Variants in ZDHHC11 observed in about 807,000 individuals in gnomAD.
The protein encoded by ZDHHC11 is palmitoyltransferase ZDHHC11.
In ZDHHC11, 44 loss-of-function variants were observed where a neutral mutation model predicts 51.3. That is an observed-to-expected ratio of 0.86 (90% CI 0.67 to 1.10). The LOEUF (loss-of-function observed/expected upper bound fraction) is 1.10, where lower values mean the gene tolerates loss of function less well. ZDHHC11 is among the 50% of genes least tolerant of loss of function. The pLI is 0.00. For synonymous variants in ZDHHC11, 163 were observed against 222.0 expected, an observed-to-expected ratio of 0.73 and a Z score of 2.36; for missense variants, 400 against 537.7, an observed-to-expected ratio of 0.74 and a Z score of 2.53.
At chr5:814,947 C>A in intron 10 of ZDHHC11, 152 bp from the exon 11 acceptor site, 2 of 791,378 alleles carry the variant, frequency 2.5e-6, no homozygotes, top group Non-Finnish European at 3.7e-6. Context: ...AGTGGTGACA[C>A]AGCACCCTTC....
chr5:857,690 CATCCCTGTCTTTATGA>C (rs1748448985), intron 1 of ZDHHC11, among the ~76,000 whole-genome samples: 1 of 151,308 alleles, frequency 6.6e-6, no homozygotes, highest in Non-Finnish European at 1.5e-5. Context: ...GTCCAGGTCC[CATCCCTGTCTTTATGA>C]CACCATGGTC....
At chr5:799,285 T>G (rs1738070076) in intron 12 of ZDHHC11, among the ~76,000 whole-genome samples, 2 of 151,698 alleles carry the variant, frequency 1.3e-5, no homozygotes, top group East Asian at 3.9e-4. Flanking sequence ...TCTCTCCATG[T>G]GATCTCTGCA....
chr5:853,305 C>T (rs936762575), upstream of ZDHHC11, among the ~76,000 whole-genome samples: 18 of 119,154 alleles, frequency 1.5e-4, no homozygotes, highest in Non-Finnish European at 2.7e-4. Context: ...TAGACCCCAC[C>T]GAGGACAGCG....
In ZDHHC11 at chr5:806,810, A is replaced by T. The variant is rs1405994801; in HGVS notation, c.1182-5646T>A. 5.3e-5 allele frequency among the ~76,000 whole-genome samples: 8 copies of T among 151,426 alleles called. 1 individual carries two copies. The highest frequency in any genetic ancestry group is 1.2e-4 in the Non-Finnish European group (8 of 67,710). ...AATGAGGGAAATACTGAAGAAGGCC[A>T]CAATAAGCCACCAGTTCACACTACT... On this transcript the variant is annotated intron_variant, in intron 11 of 12. Coordinates refer to ENST00000283441, the MANE Select transcript of ZDHHC11 (RefSeq NM_024786.3).
At chr5:841,411 G>T (rs1409180814) in intron 4 of ZDHHC11, 1 of 926,852 alleles carries the variant, frequency 1.1e-6, no homozygotes, top group East Asian at 1.5e-4. Flanking sequence ...ACTAAGTGCC[G>T]GGGTCACAGT....
rs145376075 is a variant in ZDHHC11, at chr5:802,574, G to C, written c.1182-1410C>G. On this transcript the variant is annotated intron_variant, in intron 11 of 12. Coordinates refer to ENST00000283441, the MANE Select transcript of ZDHHC11 (RefSeq NM_024786.3). ...AATGGTATTGTAGAAAGCTATAGAGGCTGGTCCTTCCACTGAAACAACCAT... is the reference window on the plus strand; with the variant it reads ...AATGGTATTGTAGAAAGCTATAGAGCCTGGTCCTTCCACTGAAACAACCAT... Among the ~76,000 whole-genome samples, 540 of 150,496 alleles carry C rather than the reference G, an allele frequency of 3.6e-3. 11 individuals carry two copies. The highest frequency in any genetic ancestry group is 0.011 in the African/African-American group (443 of 41,038).
At chr5:812,220 A>C (rs1740180489) in intron 11 of ZDHHC11, among the ~76,000 whole-genome samples, 1 of 149,182 alleles carries the variant, frequency 6.7e-6, no homozygotes, top group Admixed American at 6.7e-5. Flanking sequence ...TTTTTAAAGC[A>C]AGACAGGTAC....
chr5:841,118 G>A (rs1003463220), intron 4 of ZDHHC11: 3 of 941,866 alleles, frequency 3.2e-6, no homozygotes, highest in African/African-American at 2.2e-5. Flanking sequence ...CAGGGTCACA[G>A]CACCCATCCC....
At chr5:834,091 T>C (rs1743437561) in intron 6 of ZDHHC11, among the ~76,000 whole-genome samples, 1 of 152,194 alleles carries the variant, frequency 6.6e-6, no homozygotes, top group South Asian at 2.1e-4. Flanking sequence ...CTCATTTAAC[T>C]CCCACTAGCA....
chr5:850,566 G>C lies in ZDHHC11; in HGVS notation c.37C>G (p.Pro13Ala), dbSNP rs747230336. 2 of 1,613,580 alleles carry C rather than the reference G, an allele frequency of 1.2e-6. No individual in the cohort carries two copies. Among genetic ancestry groups the C allele is most frequent in the South Asian group, 1.1e-5 (1 of 91,084 alleles). The part of the protein sequence containing the change: ...TRSGSQCSVT[P>A]EAILNNEKLV... ...TTTTCATTATTGAGTATGGCTTCTG[G>C]GGTGACGGAACACTGGCTCCCGGAG... The change falls in exon 1 of 13, where the codon CCA (proline) becomes GCA (alanine). Residue 13 changes from proline to alanine, a missense_variant. Around this residue, in one of 5 missense-constraint regions of ZDHHC11, gnomAD observed 119 missense variants for 99.6 expected, o/e 1.20. Transcript: ENST00000283441.
chr5:825,704 C>A (rs1382470419), intron 7 of ZDHHC11, among the ~76,000 whole-genome samples: 1 of 152,124 alleles, frequency 6.6e-6, no homozygotes, highest in African/African-American at 2.4e-5. Flanking sequence ...TTGGAAGATG[C>A]CATAGGCCAC....
chr5:838,566 C>T (rs1230210615), intron 5 of ZDHHC11, among the ~76,000 whole-genome samples: 1 of 152,106 alleles, frequency 6.6e-6, no homozygotes, highest in Non-Finnish European at 1.5e-5. Context: ...AGCTCCTGGA[C>T]ATCCTGGAGT....
chr5:856,798 C>G (rs1412041933), intron 1 of ZDHHC11, among the ~76,000 whole-genome samples: 1 of 151,414 alleles, frequency 6.6e-6, no homozygotes, highest in Admixed American at 6.6e-5. Flanking sequence ...AAACCACACA[C>G]AGAGCACACA....
At chr5:835,146 T>C (rs1303869601) in intron 6 of ZDHHC11, among the ~76,000 whole-genome samples, 2 of 151,214 alleles carry the variant, frequency 1.3e-5, no homozygotes, top group African/African-American at 4.9e-5. Flanking sequence ...AAGTGTTCTA[T>C]GTTCAGCTTT....
intron 11 of ZDHHC11, among the ~76,000 whole-genome samples, chr5:803,876 A>T (rs1738844817): frequency 6.7e-6 from 1 of 150,284 alleles, no homozygotes; most frequent in African/African-American, 2.4e-5. Context: ...GTTCATTAGA[A>T]GAGTTCAACA....
At chr5:801,341 T>C (rs1404384630) in intron 11 of ZDHHC11, among the ~76,000 whole-genome samples, 177 bp from the exon 12 acceptor site, 1 of 151,694 alleles carries the variant, frequency 6.6e-6, no homozygotes, top group Non-Finnish European at 1.5e-5. Flanking sequence ...AACAGTAACA[T>C]GACTGCACTG....
chr5:807,608 A>C (rs1278018835), intron 11 of ZDHHC11, among the ~76,000 whole-genome samples: 1 of 151,952 alleles, frequency 6.6e-6, no homozygotes, highest in Non-Finnish European at 1.5e-5. Context: ...AGAGGCAACC[A>C]CCATTCACTG....
chr5:840,715 T>C (rs1053473119), intron 4 of ZDHHC11, 65 bp from the exon 5 acceptor site: 2 of 1,605,596 alleles, frequency 1.2e-6, no homozygotes, highest in African/African-American at 2.7e-5. Context: ...CAGGTGGACG[T>C]CACAGACCAG....
chr5:822,643 C>T (rs1163827169), intron 8 of ZDHHC11, among the ~76,000 whole-genome samples: 1 of 151,302 alleles, frequency 6.6e-6, no homozygotes, highest in East Asian at 1.9e-4. Flanking sequence ...TCTCCAAACT[C>T]TTCACCAACA....
Sources: gnomAD v4.1 joint callset for allele counts (sites outside exome capture counted in the v4.1 genomes callset) on GRCh38, gnomAD v4.1.1 for gene constraint, gnomAD v4.1.1 regional missense constraint, MANE v1.5 for transcripts, NCBI Gene and HGNC (gene_info 2026-07-23, HGNC 2026-07-21) for gene names.